Variants in ZNF229 observed in about 807,000 individuals in gnomAD.
ZNF229 encodes the protein zinc finger protein 229.
A neutral mutation model predicts 11.8 loss-of-function variants in ZNF229; 10 were observed. The ratio of observed to expected loss-of-function variants is 0.85; its 90% CI spans 0.52 to 1.44. The LOEUF is 1.44. ZNF229 is among the 40% of genes most tolerant of loss of function. The pLI is 0.00. For synonymous variants in ZNF229, 368 were observed against 374.8 expected (o/e 0.98, Z 0.21); for missense variants, 1,045 against 1,015.1 (o/e 1.03, Z -0.40).
chr19:44,430,667 G>C (rs17347726), intron 5 of ZNF229, 125 bp from the exon 6 acceptor site: 83,389 of 844,162 alleles, frequency 0.099, 4,332 homozygotes, highest in South Asian at 0.13. Context: ...ATAACTATTA[G>C]AGCACTTATG....
In ZNF229 at chr19:44,426,692, TAAATTTAA is replaced by T. The variant is rs1178865139; in HGVS notation, c.*1603_*1610del. 6.4e-4 allele frequency: 98 copies of T among 152,326 alleles called. 1 individual carries two copies. The highest frequency in any genetic ancestry group is 1.9e-3 in the African/African-American group (80 of 41,544). The allele number at this position is 152,326 out of a possible 1,614,324, so 9.4% of individuals were successfully genotyped here. A position where few individuals can be genotyped will look rare whatever the true frequency, so the allele number is the denominator to read the frequency against. ...AACATTTGCTATTTTAAAAATGTTT[TAAATTTAA>T]AAACTCCACCTTCTGCATGCGTTTT... On this transcript the variant is annotated 3_prime_UTR_variant, in exon 6 of 6. Coordinates refer to ENST00000614049, the MANE Select transcript of ZNF229 (RefSeq NM_014518.4).
At chr19:44,446,370 A>G (rs1972003512) in intron 2 of ZNF229, among the ~76,000 whole-genome samples, 1 of 152,250 alleles carries the variant, frequency 6.6e-6, no homozygotes. Context: ...GGAGTTATCA[A>G]AAGGTTTAGG....
chr19:44,438,760 G>A (rs1053897614), intron 4 of ZNF229, among the ~76,000 whole-genome samples: 2 of 152,160 alleles, frequency 1.3e-5, no homozygotes, highest in Non-Finnish European at 2.9e-5. Context: ...AAAAACCTAA[G>A]AGGACCAGGT....
At chr19:44,438,059 A>C (rs531322378) in intron 4 of ZNF229, among the ~76,000 whole-genome samples, 1 of 152,014 alleles carries the variant, frequency 6.6e-6, no homozygotes, top group African/African-American at 2.4e-5. Flanking sequence ...TGTACAACAA[A>C]CCCCCATGCC....
At chr19:44,440,152 G>GC (rs1971883002) in intron 4 of ZNF229, among the ~76,000 whole-genome samples, 2 of 151,876 alleles carry the variant, frequency 1.3e-5, no homozygotes, top group African/African-American at 4.8e-5. Flanking sequence ...TTTTTTAAGT[G>GC]TAAAAAAAAT....
chr19:44,434,969 T>C (rs1414873753), intron 4 of ZNF229, among the ~76,000 whole-genome samples: 1 of 152,120 alleles, frequency 6.6e-6, no homozygotes, highest in Non-Finnish European at 1.5e-5. Context: ...TCACAAGATC[T>C]GATGGCTTTA....
chr19:44,431,946 G>C, intron 5 of ZNF229: 6 of 627,418 alleles, frequency 9.6e-6, no homozygotes, highest in Non-Finnish European at 1.3e-5. Flanking sequence ...CAGATGCCCA[G>C]AGAGCTCTTC....
At chr19:44,446,795 A>G (rs763246247) in intron 2 of ZNF229, among the ~76,000 whole-genome samples, 3 of 152,220 alleles carry the variant, frequency 2.0e-5, no homozygotes, top group Non-Finnish European at 2.9e-5. Flanking sequence ...GGTTGCAAAA[A>G]GGGCTATGAA....
chr19:44,432,698 G>A (rs1600016354), intron 4 of ZNF229, among the ~76,000 whole-genome samples: 1 of 151,778 alleles, frequency 6.6e-6, no homozygotes, highest in Admixed American at 6.6e-5. Flanking sequence ...TGTGGGGTGG[G>A]GGGAGTGGGG....
intron 2 of ZNF229, among the ~76,000 whole-genome samples, chr19:44,443,577 A>G (rs933834606): frequency 4.6e-5 from 7 of 152,228 alleles, no homozygotes; most frequent in African/African-American, 1.7e-4. Context: ...TACAACCTTC[A>G]AAACTATTAA....
chr19:44,443,295 C>T (rs1482727152), intron 2 of ZNF229, among the ~76,000 whole-genome samples: 1 of 152,178 alleles, frequency 6.6e-6, no homozygotes, highest in African/African-American at 2.4e-5. Context: ...AGAGACCCCA[C>T]AAATATATGG....
At chr19:44,447,854 A>C (rs1972028808) in intron 1 of ZNF229, among the ~76,000 whole-genome samples, 1 of 152,166 alleles carries the variant, frequency 6.6e-6, no homozygotes, top group African/African-American at 2.4e-5. Flanking sequence ...AGACAAGGAG[A>C]ATCAAGACAA....
intron 4 of ZNF229, among the ~76,000 whole-genome samples, chr19:44,438,955 A>G (rs1478018742): frequency 6.6e-6 from 1 of 152,106 alleles, no homozygotes; most frequent in Non-Finnish European, 1.5e-5. Context: ...ATCAAACCCA[A>G]AGAGTGGGTT....
Position 44,427,983 on chromosome 19 carries a change from C to G in ZNF229, c.*320G>C, listed in dbSNP as rs761566842. ...CCATAATTAGCACCTTGGAAACATT[C>G]TCACCACTTGTACATTGTAAAAGCT... On this transcript the variant is annotated 3_prime_UTR_variant, in exon 6 of 6. Transcript: ENST00000614049. 1 of 244,812 alleles carries G rather than the reference C, an allele frequency of 4.1e-6. No individual in the cohort carries two copies. Among genetic ancestry groups the G allele is most frequent in the Non-Finnish European group, 7.9e-6 (1 of 126,148 alleles). The allele number at this position is 244,812 out of a possible 1,614,324, so 15.2% of individuals were successfully genotyped here. A position where few individuals can be genotyped will look rare whatever the true frequency, so the allele number is the denominator to read the frequency against.
chr19:44,441,824 ACTT>A (rs1222536789), intron 4 of ZNF229, among the ~76,000 whole-genome samples: 1 of 152,238 alleles, frequency 6.6e-6, no homozygotes, highest in African/African-American at 2.4e-5. Flanking sequence ...AATAAGGAGA[ACTT>A]CTAGAAAGGC....
chr19:44,437,376 A>G (rs951485069), intron 4 of ZNF229, among the ~76,000 whole-genome samples: 2 of 152,224 alleles, frequency 1.3e-5, no homozygotes, highest in African/African-American at 2.4e-5. Flanking sequence ...ATATTTAAAA[A>G]TGGTCAACAT....
Position 44,428,634 on chromosome 19 carries a change from T to A in ZNF229, c.2147A>T (p.Glu716Val). ...GCCATATCTGAAACCCTTCCCACAT[T>A]CACAACAAGTGTAGGGTTTCTCTCC... ...HTGEKPYTCC[E>V]CGKGFRYGSG... Residue 716 changes from glutamate (E) to valine (V), a missense_variant, in exon 6 of 6, where the codon GAA becomes GTA. Glu to Val is a moderately radical substitution (Grantham distance 121). Coordinates refer to ENST00000614049, the MANE Select transcript of ZNF229 (RefSeq NM_014518.4). The A allele has an allele frequency of 6.2e-7, 1 of 1,613,898 alleles. No homozygotes were observed. Among genetic ancestry groups the A allele is most frequent in the Non-Finnish European group, 8.5e-7 (1 of 1,179,988 alleles).
At chr19:44,444,479 C>A (rs570180546) in intron 2 of ZNF229, among the ~76,000 whole-genome samples, 1 of 152,310 alleles carries the variant, frequency 6.6e-6, no homozygotes, top group African/African-American at 2.4e-5. Context: ...GTGTGGACAA[C>A]CAGGCAACAC....
At position 44,426,601 on chromosome 19, in the gene ZNF229, C is replaced by T. The variant is rs1199326590; in HGVS notation, c.*1702G>A. 5 of 152,156 alleles carry T rather than the reference C, an allele frequency of 3.3e-5. No individual in the cohort carries two copies. The highest frequency in any genetic ancestry group is 7.3e-5 in the Non-Finnish European group (5 of 68,040). 9.4% of individuals were successfully genotyped at this position (152,156 alleles called of 1,614,324 possible). A position where few individuals can be genotyped will look rare whatever the true frequency, so the allele number is the denominator to read the frequency against. On this transcript the variant is annotated 3_prime_UTR_variant, in exon 6 of 6. Transcript: ENST00000614049. ...CTGTGTGCCTGAAGATTTCTAGTGG[C>T]TTTCCATTGCATACATATGCCTGAA...
Sources: gnomAD v4.1 joint callset for allele counts (sites outside exome capture counted in the v4.1 genomes callset) on GRCh38, gnomAD v4.1.1 for gene constraint, MANE v1.5 for transcripts, NCBI Gene and HGNC (gene_info 2026-07-23, HGNC 2026-07-21) for gene names.